The following CLSTN2 variants were observed in gnomAD, a reference collection of about 807,000 sequenced individuals.
CLSTN2 encodes calsyntenin-2.
CLSTN2 carries 48 observed loss-of-function variants against 101.2 expected under a neutral mutation model. The observed-to-expected ratio is 0.47, with a 90% confidence interval of 0.38 to 0.60. CLSTN2 has a LOEUF of 0.60. Among genes scored for constraint, CLSTN2 ranks in the 20% least tolerant of loss-of-function variants. The pLI is 0.00. For missense variants in CLSTN2, 1,160 were observed against 1,238.2 expected, an observed-to-expected ratio of 0.94 and a Z score of 0.95; for synonymous variants, 481 against 463.6, an observed-to-expected ratio of 1.04 and a Z score of -0.48.
chr3:140,356,756 C>A (rs1212556903), intron 2 of CLSTN2, among the ~76,000 whole-genome samples: 939 of 110,880 alleles, frequency 8.5e-3, no homozygotes, highest in Middle Eastern at 9.7e-3. Context: ...GACCTTGTCT[C>A]AAAAAAAAAA....
At chr3:140,120,132 G>T (rs1161966968) in intron 1 of CLSTN2, among the ~76,000 whole-genome samples, 1 of 152,026 alleles carries the variant, frequency 6.6e-6, no homozygotes, top group Admixed American at 6.5e-5. Flanking sequence ...AATCCCATAG[G>T]TTGGGGCTTA....
At chr3:140,424,970 G>T (rs2088549395) in intron 5 of CLSTN2, among the ~76,000 whole-genome samples, 1 of 152,202 alleles carries the variant, frequency 6.6e-6, no homozygotes, top group South Asian at 2.1e-4. Context: ...GGAGCTGTGT[G>T]CATTTGCCAG....
At chr3:140,038,610 T>A (rs2007705125) in intron 1 of CLSTN2, among the ~76,000 whole-genome samples, 1 of 152,050 alleles carries the variant, frequency 6.6e-6, no homozygotes, top group African/African-American at 2.4e-5. Context: ...GTCATGAAAT[T>A]TTTGAGATAA....
intron 1 of CLSTN2, among the ~76,000 whole-genome samples, chr3:139,985,483 C>T (rs1038650407): frequency 7.2e-5 from 11 of 152,206 alleles, no homozygotes; most frequent in South Asian, 6.2e-4. Flanking sequence ...CTCTAGATTG[C>T]GTTTCCTAGC....
intron 2 of CLSTN2, among the ~76,000 whole-genome samples, chr3:140,257,908 A>G (rs1456836143): frequency 6.6e-6 from 1 of 152,166 alleles, no homozygotes; most frequent in Non-Finnish European, 1.5e-5. Context: ...AAAGATATAA[A>G]CATAGTTAAG....
At chr3:140,238,706 A>T in intron 2 of CLSTN2, among the ~76,000 whole-genome samples, 1 of 152,182 alleles carries the variant, frequency 6.6e-6, no homozygotes, top group Non-Finnish European at 1.5e-5. Context: ...TTAATACATG[A>T]GGAGTGTTTG....
rs1245024939 is a variant in CLSTN2, at chr3:140,547,369, G to A, written c.1674+688G>A. Among the ~76,000 whole-genome samples the A allele has an allele frequency of 2.6e-5, 4 of 151,968 alleles. No homozygotes were observed. In the East Asian group the frequency reaches 7.7e-4, roughly 29 times the overall value. On this transcript the variant is annotated intron_variant, in intron 10 of 16. Transcript: ENST00000458420. ...TGCACCTGTAATCCCAGCTACTCAG[G>A]AGGCTGAGGCAGGAGAATCATTTGA...
chr3:140,371,793 T>C lies in CLSTN2; in HGVS notation c.233-31836T>C, dbSNP rs567328493. On this transcript the variant is annotated intron_variant, in intron 2 of 16. Coordinates refer to ENST00000458420, the MANE Select transcript of CLSTN2 (RefSeq NM_022131.3). ...CAGCACATGTTCAGAAAATATGTGG[T>C]CTGGAAGCTTCACATTAAACTGTGG... 6.2e-4 allele frequency among the ~76,000 whole-genome samples: 95 copies of C among 152,318 alleles called. 1 individual carries two copies. In the South Asian group the frequency reaches 0.019, roughly 31 times the overall value.
chr3:140,162,854 G>A (rs1452694071), intron 1 of CLSTN2, among the ~76,000 whole-genome samples: 1 of 152,178 alleles, frequency 6.6e-6, no homozygotes, highest in Non-Finnish European at 1.5e-5. Flanking sequence ...AGAATCTAAG[G>A]CGTGAAATGG....
intron 1 of CLSTN2, among the ~76,000 whole-genome samples, chr3:140,106,963 G>A (rs1016839372): frequency 3.3e-5 from 5 of 152,162 alleles, no homozygotes; most frequent in Non-Finnish European, 5.9e-5. Context: ...CTTTATAAGT[G>A]ATCATTTAAT....
At chr3:140,421,617 C>T (rs962020670) in intron 5 of CLSTN2, among the ~76,000 whole-genome samples, 4 of 152,166 alleles carry the variant, frequency 2.6e-5, no homozygotes, top group Non-Finnish European at 5.9e-5. Context: ...CTGGGTCTAC[C>T]TGATGCATTT....
intron 1 of CLSTN2, among the ~76,000 whole-genome samples, chr3:140,087,712 T>A (rs2008703118): frequency 6.6e-6 from 1 of 152,188 alleles, no homozygotes; most frequent in African/African-American, 2.4e-5. Flanking sequence ...ATATTTAGGT[T>A]CTATGGGGCT....
chr3:140,046,986 A>G (rs978988766), intron 1 of CLSTN2, among the ~76,000 whole-genome samples: 9 of 152,100 alleles, frequency 5.9e-5, no homozygotes, highest in Non-Finnish European at 1.2e-4. Context: ...TACCACGTAT[A>G]TTATCATTGA....
chr3:139,984,461 C>G (rs1935988524), intron 1 of CLSTN2, among the ~76,000 whole-genome samples: 1 of 152,194 alleles, frequency 6.6e-6, no homozygotes, highest in Admixed American at 6.5e-5. Flanking sequence ...TTCTCACTGC[C>G]TGCTCCAAGG....
chr3:140,494,541 C>G (rs1437285075), intron 8 of CLSTN2, among the ~76,000 whole-genome samples: 1 of 152,164 alleles, frequency 6.6e-6, no homozygotes, highest in African/African-American at 2.4e-5. Context: ...TGGTGCTTTG[C>G]TGCACAGATC....
chr3:140,141,275 T>G (rs1199152731), intron 1 of CLSTN2, among the ~76,000 whole-genome samples: 1 of 152,174 alleles, frequency 6.6e-6, no homozygotes, highest in African/African-American at 2.4e-5. Flanking sequence ...ACTACTGGGA[T>G]GTATACACTG....
At chr3:140,385,774 A>G (rs1157489186) in intron 2 of CLSTN2, among the ~76,000 whole-genome samples, 1 of 152,118 alleles carries the variant, frequency 6.6e-6, no homozygotes, top group Non-Finnish European at 1.5e-5. Flanking sequence ...GATAAACATC[A>G]CACGTTTTCT....
chr3:140,521,776 G>T (rs1265908351), intron 8 of CLSTN2, among the ~76,000 whole-genome samples: 1 of 152,202 alleles, frequency 6.6e-6, no homozygotes. Context: ...CAGGAACTTG[G>T]TCCTTCTCAT....
chr3:140,447,874 G>A (rs1160739161), intron 5 of CLSTN2, among the ~76,000 whole-genome samples: 1 of 152,182 alleles, frequency 6.6e-6, no homozygotes, highest in East Asian at 1.9e-4. Context: ...ATGGCACCTT[G>A]CCTTGAGGAG....
Sources: gnomAD v4.1 joint callset for allele counts (sites outside exome capture counted in the v4.1 genomes callset) on GRCh38, gnomAD v4.1.1 for gene constraint, MANE v1.5 for transcripts, NCBI Gene and HGNC (gene_info 2026-07-23, HGNC 2026-07-21) for gene names.